Variants in AHNAK observed in about 807,000 individuals in gnomAD.
The protein encoded by AHNAK is neuroblast differentiation-associated protein AHNAK.
In AHNAK, 23 loss-of-function variants were observed where a neutral mutation model predicts 37.8. The ratio of observed to expected loss-of-function variants is 0.61; its 90% CI spans 0.44 to 0.86. The LOEUF is 0.86. Ranked by LOEUF, AHNAK falls within the 40% of genes least tolerant of loss-of-function variation. The pLI, the probability that AHNAK is intolerant of heterozygous loss-of-function variation, is 0.00. For missense variants in AHNAK, 7,411 were observed against 7,319.4 expected, an observed-to-expected ratio of 1.01 and a Z score of -0.46; for synonymous variants, 2,481 against 2,636.3, an observed-to-expected ratio of 0.94 and a Z score of 1.80.
chr11:62,513,492 A>G (rs937178758), downstream of AHNAK, among the ~76,000 whole-genome samples: 17 of 151,710 alleles, frequency 1.1e-4, no homozygotes, highest in Non-Finnish European at 1.8e-4. Context: ...CCAAATTCAC[A>G]CCATTGCACT....
chr11:62,543,011 CG>C (rs1393883236), intron 1 of AHNAK, among the ~76,000 whole-genome samples: 1 of 152,168 alleles, frequency 6.6e-6, no homozygotes, highest in Non-Finnish European at 1.5e-5. Context: ...GAGCTACCCC[CG>C]AGCCCCGCCA....
chr11:62,489,646 G>A (rs1262389946), intron 5 of AHNAK, among the ~76,000 whole-genome samples: 3 of 152,128 alleles, frequency 2.0e-5, no homozygotes, highest in Non-Finnish European at 4.4e-5. Context: ...GAGACGGTAA[G>A]GACGGGGATG....
In AHNAK at chr11:62,527,713, T is replaced by A. The variant is rs1460469508; in HGVS notation, c.6704A>T (p.His2235Leu). 1 of 1,614,082 alleles carries A rather than the reference T, an allele frequency of 6.2e-7. No individual in the cohort carries two copies. Among genetic ancestry groups the A allele is most frequent in the East Asian group, 2.2e-5 (1 of 44,854 alleles). ...VDIDAPDVDV[H>L]GPDWHLKMPK... The stretch of plus-strand genomic sequence containing the variant: ...CATCTTCAGGTGCCAGTCTGGGCCA[T>A]GAACATCCACATCTGGGGCATCAAT... The change falls in exon 5 of 5, where the codon CAT becomes CTT. Residue 2235 changes from histidine to leucine, a missense_variant. His to Leu is a moderately conservative substitution (Grantham distance 99, BLOSUM62 -3). Coordinates refer to ENST00000378024, the MANE Select transcript of AHNAK (RefSeq NM_001620.3).
chr11:62,452,036 T>A (rs2134804634), intron 5 of AHNAK, among the ~76,000 whole-genome samples: 1 of 151,916 alleles, frequency 6.6e-6, no homozygotes, highest in Non-Finnish European at 1.5e-5. Context: ...ATGGTCTCGA[T>A]CTCCTGACCT....
At chr11:62,435,807 C>G (rs898252674) in intron 5 of AHNAK, among the ~76,000 whole-genome samples, 1 of 152,190 alleles carries the variant, frequency 6.6e-6, no homozygotes, top group African/African-American at 2.4e-5. Context: ...CTTGACCTCC[C>G]AAAGTGCTGG....
intron 4 of AHNAK, among the ~76,000 whole-genome samples, chr11:62,500,935 C>CTGTTTGTATG (rs1939700921): frequency 6.6e-6 from 1 of 152,172 alleles, no homozygotes; most frequent in Admixed American, 6.5e-5. Flanking sequence ...ACATACAATT[C>CTGTTTGTATG]TGGCCAGGCA....
rs746557935 is a variant in AHNAK, at chr11:62,531,064, T to C, written c.3353A>G (p.Gln1118Arg). 6.8e-6 allele frequency: 11 copies of C among 1,613,840 alleles called. No homozygotes were observed. The highest frequency in any genetic ancestry group is 8.5e-6 in the Non-Finnish European group (10 of 1,179,942). Reference protein sequence around the residue: ...VDIKAPDVEGQGLDWSLKIPK... With the variant: ...VDIKAPDVEGRGLDWSLKIPK... ...TATTTTCAGGCTCCAGTCCAGGCCTTGGCCTTCCACATCTGGTGCTTTAAT... is the reference window on the plus strand; with the variant it reads ...TATTTTCAGGCTCCAGTCCAGGCCTCGGCCTTCCACATCTGGTGCTTTAAT... The change falls in exon 5 of 5, where the codon CAA becomes CGA. Residue 1118 changes from glutamine (Q) to arginine (R), a missense_variant. Physicochemically the swap from Gln to Arg is conservative, Grantham distance 43 (BLOSUM62 1). Transcript: ENST00000378024.
intron 1 of AHNAK, among the ~76,000 whole-genome samples, chr11:62,543,839 T>G (rs1941210597): frequency 6.6e-6 from 1 of 152,218 alleles, no homozygotes; most frequent in Admixed American, 6.5e-5. Flanking sequence ...GCCATCACCC[T>G]TCCTCAAACC....
chr11:62,433,887 C>G (rs374886666), exon 6 of AHNAK: 312 of 1,613,712 alleles, frequency 1.9e-4, no homozygotes, highest in Non-Finnish European at 2.6e-4. Context: ...GCCGCTTCTA[C>G]AGTCCTGTAA....
chr11:62,444,671 A>T (rs1474306240), intron 5 of AHNAK, among the ~76,000 whole-genome samples: 1 of 152,094 alleles, frequency 6.6e-6, no homozygotes, highest in Non-Finnish European at 1.5e-5. Context: ...GTCACATCTG[A>T]CGCCCCTTTC....
intron 5 of AHNAK, among the ~76,000 whole-genome samples, chr11:62,478,563 G>T (rs536460333): frequency 6.6e-6 from 1 of 151,862 alleles, no homozygotes; most frequent in Non-Finnish European, 1.5e-5. Flanking sequence ...TAGGCAACAC[G>T]GCAAGACCTC....
Position 62,517,499 on chromosome 11 carries a change from G to A in AHNAK, c.16918C>T (p.Leu5640=). ...TGACCTTGAGGCCCAGACACACTCA[G>A]CCCAGGAGCCTGGAGTCCAATCTGA... ...GGQIGLQAPG[L]SVSGPQGHLE... The change falls in exon 5 of 5, where the codon CTG becomes TTG. Residue 5640 remains leucine (L), a synonymous_variant. Coordinates refer to ENST00000378024, the MANE Select transcript of AHNAK (RefSeq NM_001620.3). 1 of 1,614,110 alleles carries A rather than the reference G, an allele frequency of 6.2e-7. No homozygotes were observed. Among genetic ancestry groups the A allele is most frequent in the Non-Finnish European group, 8.5e-7 (1 of 1,180,022 alleles).
Position 62,530,829 on chromosome 11 carries a change from G to T in AHNAK, c.3588C>A (p.Ser1196=), listed in dbSNP as rs1940715674. 6.2e-7 allele frequency: 1 copy of T among 1,613,858 alleles called. No individual in the cohort carries two copies. The highest frequency in any genetic ancestry group is 1.3e-5 in the African/African-American group (1 of 74,920). The change falls in exon 5 of 5, where the codon TCC becomes TCA. Residue 1196 remains serine (S), a synonymous_variant. Coordinates refer to ENST00000378024, the MANE Select transcript of AHNAK (RefSeq NM_001620.3). ...TCAAGTGTAAGTCCACATCAGGCAT[G>T]GAGATCTTGGGGGTCTTGAAATGCA... ...PEMHFKTPKI[S]MPDVDLHLKG...
Position 62,522,257 on chromosome 11 carries a change from G to A in AHNAK, c.12160C>T (p.Pro4054Ser). 6.2e-7 allele frequency: 1 copy of A among 1,613,064 alleles called. No homozygotes were observed. Among genetic ancestry groups the A allele is most frequent in the Non-Finnish European group, 8.5e-7 (1 of 1,179,818 alleles). The change falls in exon 5 of 5, where the codon CCA becomes TCA. Residue 4054 changes from proline to serine, a missense_variant. Transcript: ENST00000378024. Reference sequence around the variant, plus strand: ...TTGGGCATCTTCAGGTGCCAGTCTGGGCCATGAACATCCACATCTGGGGCA... The same window carrying A: ...TTGGGCATCTTCAGGTGCCAGTCTGAGCCATGAACATCCACATCTGGGGCA... ...IDAPDVDVHG[P>S]DWHLKMPKVK...
Position 62,518,991 on chromosome 11 carries a change from C to T in AHNAK, c.15426G>A (p.Lys5142=). 1.2e-6 allele frequency: 2 copies of T among 1,614,140 alleles called. No individual in the cohort carries two copies. Among genetic ancestry groups the T allele is most frequent in the Non-Finnish European group, 8.5e-7 (1 of 1,180,012 alleles). ...EGLDIKAKAP[K]VKMPDVDISV... is the part of the protein sequence containing the mutation. ...AGATGTCCACATCTGGCATCTTGAC[C>T]TTGGGAGCCTTCGCCTTGATGTCAA... Residue 5142 remains lysine (K), a synonymous_variant, in exon 5 of 5, where the codon AAG becomes AAA. Coordinates refer to ENST00000378024, the MANE Select transcript of AHNAK (RefSeq NM_001620.3).
intron 5 of AHNAK, among the ~76,000 whole-genome samples, chr11:62,459,149 G>A (rs1046565468): frequency 1.3e-5 from 2 of 152,080 alleles, no homozygotes; most frequent in Admixed American, 6.6e-5. Flanking sequence ...CAGGTAAGAG[G>A]GTCCCCAAAG....
chr11:62,543,989 C>T (rs1941219311), intron 1 of AHNAK, among the ~76,000 whole-genome samples: 1 of 152,142 alleles, frequency 6.6e-6, no homozygotes, highest in Non-Finnish European at 1.5e-5. Flanking sequence ...TGTCTCCAGG[C>T]AGTTCCCAAG....
intron 5 of AHNAK, among the ~76,000 whole-genome samples, chr11:62,452,758 A>T (rs949223665): frequency 1.3e-5 from 2 of 152,048 alleles, no homozygotes; most frequent in African/African-American, 4.8e-5. Context: ...GCGGTGGCTT[A>T]CCGCACCTGT....
chr11:62,542,697 G>C (rs1169345882), intron 1 of AHNAK, among the ~76,000 whole-genome samples: 1 of 152,170 alleles, frequency 6.6e-6, no homozygotes, highest in Non-Finnish European at 1.5e-5. Flanking sequence ...CTTGTGAAAG[G>C]GGGCTGGGGA....
Sources: gnomAD v4.1 joint callset for allele counts (sites outside exome capture counted in the v4.1 genomes callset) on GRCh38, gnomAD v4.1.1 for gene constraint, MANE v1.5 for transcripts, NCBI Gene and HGNC (gene_info 2026-07-23, HGNC 2026-07-21) for gene names.